Variants in SCFD2 observed in about 807,000 individuals in gnomAD.
SCFD2 encodes sec1 family domain-containing protein 2.
In SCFD2, 54 loss-of-function variants were observed where a neutral mutation model predicts 58.9. The observed-to-expected ratio is 0.92, with a 90% CI of 0.74 to 1.15. SCFD2 has a LOEUF of 1.15. Ranked by LOEUF, SCFD2 falls within the 50% of genes most tolerant of loss-of-function variation. The pLI is 0.00. For missense variants in SCFD2, 805 were observed against 836.6 expected, an observed-to-expected ratio of 0.96 and a Z score of 0.47; for synonymous variants, 321 against 335.9, an observed-to-expected ratio of 0.96 and a Z score of 0.49.
chr4:53,264,105 G>A (rs1201443572), intron 4 of SCFD2, among the ~76,000 whole-genome samples: 5 of 152,198 alleles, frequency 3.3e-5, no homozygotes, highest in Admixed American at 2.0e-4. Context: ...GCTTCACCCC[G>A]CTCCCATGTA....
At chr4:52,988,016 A>ACACCAGC (rs1415069018) in intron 5 of SCFD2, among the ~76,000 whole-genome samples, 1 of 152,232 alleles carries the variant, frequency 6.6e-6, no homozygotes, top group Non-Finnish European at 1.5e-5. Flanking sequence ...ACACCAGCTC[A>ACACCAGC]TTACAGTGTC....
intron 2 of SCFD2, among the ~76,000 whole-genome samples, chr4:53,346,998 C>G (rs1005748809): frequency 3.9e-5 from 6 of 152,190 alleles, no homozygotes; most frequent in African/African-American, 1.4e-4. Context: ...CATCTCCCTC[C>G]TGCCTCCATC....
At chr4:53,255,945 T>C (rs1320646160) in intron 4 of SCFD2, among the ~76,000 whole-genome samples, 4 of 140,162 alleles carry the variant, frequency 2.9e-5, no homozygotes, top group South Asian at 2.4e-4. Flanking sequence ...ACCTCCCGGA[T>C]GGGGTGGCTG....
intron 5 of SCFD2, among the ~76,000 whole-genome samples, chr4:53,128,570 T>C (rs1577754416): frequency 6.6e-6 from 1 of 152,006 alleles, no homozygotes; most frequent in Non-Finnish European, 1.5e-5. Flanking sequence ...CGGAGAGCTG[T>C]AAGGTTCGGA....
At chr4:52,965,991 G>T (rs977978379) in intron 5 of SCFD2, among the ~76,000 whole-genome samples, 2 of 152,136 alleles carry the variant, frequency 1.3e-5, no homozygotes, top group Admixed American at 1.3e-4. Context: ...GCTAAACTTG[G>T]ATCTGATTGA....
intron 3 of SCFD2, among the ~76,000 whole-genome samples, chr4:53,297,257 T>C (rs544218740): frequency 1.3e-5 from 2 of 152,288 alleles, no homozygotes; most frequent in East Asian, 1.9e-4. Flanking sequence ...CTCCCACTAT[T>C]ATTGTGTGGG....
chr4:53,262,088 G>A, intron 4 of SCFD2, among the ~76,000 whole-genome samples: 1 of 152,088 alleles, frequency 6.6e-6, no homozygotes. Flanking sequence ...CACTTTTGGT[G>A]TCCATTTGCA....
chr4:53,335,460 A>G (rs1197325352), intron 2 of SCFD2, among the ~76,000 whole-genome samples: 1 of 152,198 alleles, frequency 6.6e-6, no homozygotes, highest in Non-Finnish European at 1.5e-5. Flanking sequence ...TTTCGCTTTT[A>G]CAAAGGATAT....
intron 5 of SCFD2, among the ~76,000 whole-genome samples, chr4:53,083,856 G>C (rs1724222276): frequency 6.6e-6 from 1 of 152,072 alleles, no homozygotes; most frequent in Admixed American, 6.6e-5. Flanking sequence ...GCTTCAAAGA[G>C]CAAAAAGCAG....
At chr4:53,300,419 C>A (rs1323091892) in intron 3 of SCFD2, among the ~76,000 whole-genome samples, 2 of 152,134 alleles carry the variant, frequency 1.3e-5, no homozygotes, top group Non-Finnish European at 2.9e-5. Flanking sequence ...TATATATGCA[C>A]CCAATACAGG....
At chr4:53,268,582 C>A (rs950634962) in intron 4 of SCFD2, among the ~76,000 whole-genome samples, 11 of 152,084 alleles carry the variant, frequency 7.2e-5, no homozygotes, top group African/African-American at 2.7e-4. Flanking sequence ...AGTGTCAGAG[C>A]CTGCAGAATG....
At chr4:53,113,797 A>G (rs1257000367) in intron 5 of SCFD2, among the ~76,000 whole-genome samples, 1 of 138,584 alleles carries the variant, frequency 7.2e-6, no homozygotes, top group East Asian at 2.2e-4. Flanking sequence ...AAGTGGCTGG[A>G]ATAAAACAAA....
intron 4 of SCFD2, among the ~76,000 whole-genome samples, chr4:53,209,281 C>A (rs1385395783): frequency 6.6e-6 from 1 of 152,090 alleles, no homozygotes; most frequent in Non-Finnish European, 1.5e-5. Context: ...AAGCTAAATA[C>A]AATGATACAC....
chr4:53,077,470 C>T (rs1724011139), intron 5 of SCFD2, among the ~76,000 whole-genome samples: 1 of 152,058 alleles, frequency 6.6e-6, no homozygotes, highest in Non-Finnish European at 1.5e-5. Flanking sequence ...CAGAGTCTCA[C>T]TCTGTTGCCC....
chr4:53,359,129 T>C (rs1330538074), intron 1 of SCFD2, among the ~76,000 whole-genome samples: 1 of 152,120 alleles, frequency 6.6e-6, no homozygotes, highest in East Asian at 1.9e-4. Context: ...TCAGCAAAGA[T>C]GATAACCAAA....
intron 4 of SCFD2, among the ~76,000 whole-genome samples, chr4:53,235,759 G>C (rs764929766): frequency 2.6e-5 from 4 of 152,206 alleles, no homozygotes; most frequent in African/African-American, 9.6e-5. Context: ...ATGTGTGGAA[G>C]AGGAAATGAA....
rs981996983 is a variant in SCFD2, at chr4:53,277,877, C to A, written c.1136-3876G>T. On this transcript the variant is annotated intron_variant, in intron 3 of 8. Transcript: ENST00000401642. ...ACCATCCTGGCTAACACGGTGAAAC[C>A]CCGTCCCTACTAAAAATGCAAAAAA... 2.7e-5 allele frequency among the ~76,000 whole-genome samples: 4 copies of A among 150,556 alleles called. No individual in the cohort carries two copies. In the East Asian group the frequency reaches 7.9e-4, roughly 30 times the overall value.
At chr4:53,053,586 G>A (rs1438988371) in intron 5 of SCFD2, among the ~76,000 whole-genome samples, 1 of 151,976 alleles carries the variant, frequency 6.6e-6, no homozygotes, top group African/African-American at 2.4e-5. Flanking sequence ...CAGCACTTGC[G>A]CACTGTGCTC....
intron 4 of SCFD2, among the ~76,000 whole-genome samples, chr4:53,178,938 G>T (rs1727442838): frequency 6.6e-6 from 1 of 152,082 alleles, no homozygotes; most frequent in Non-Finnish European, 1.5e-5. Context: ...AGTGAGAAGA[G>T]AAGTTTAGAG....
Sources: gnomAD v4.1 joint callset for allele counts (sites outside exome capture counted in the v4.1 genomes callset) on GRCh38, gnomAD v4.1.1 for gene constraint, MANE v1.5 for transcripts, NCBI Gene and HGNC (gene_info 2026-07-23, HGNC 2026-07-21) for gene names.